The following CAMTA1 variants were observed in gnomAD, a reference collection of about 807,000 sequenced individuals.
CAMTA1 encodes the protein calmodulin binding transcription activator 1, also known as calmodulin-binding transcription activator 1.
A neutral mutation model predicts 170.9 loss-of-function variants in CAMTA1; 27 were observed. The ratio of observed to expected loss-of-function variants is 0.16; its 90% confidence interval spans 0.12 to 0.22. The LOEUF (loss-of-function observed/expected upper bound fraction) is 0.22. Among genes scored for constraint, CAMTA1 ranks in the 10% least tolerant of loss-of-function variants. The pLI, the probability that CAMTA1 is intolerant of heterozygous loss-of-function variation, is 1.00. For synonymous variants in CAMTA1, 833 were observed against 891.5 expected, an observed-to-expected ratio of 0.93 and a Z score of 1.17; for missense variants, 1,619 against 2,217.2, an observed-to-expected ratio of 0.73 and a Z score of 5.42.
chr1:7,459,391 C>G (rs1312901214), intron 5 of CAMTA1, among the ~76,000 whole-genome samples: 1 of 152,158 alleles, frequency 6.6e-6, no homozygotes, highest in African/African-American at 2.4e-5. Context: ...GTTCAGGGTA[C>G]CCTGGGGAGC....
At chr1:6,880,817 G>A (rs1671349011) in intron 3 of CAMTA1, among the ~76,000 whole-genome samples, 1 of 152,092 alleles carries the variant, frequency 6.6e-6, no homozygotes, top group African/African-American at 2.4e-5. Flanking sequence ...AATACTTATT[G>A]AATACCGAGT....
At chr1:7,258,841 T>C (rs1386844586) in intron 5 of CAMTA1, among the ~76,000 whole-genome samples, 1 of 152,144 alleles carries the variant, frequency 6.6e-6, no homozygotes, top group Non-Finnish European at 1.5e-5. Context: ...TCCAGGCTTG[T>C]CCTCGGATAG....
chr1:7,385,933 T>A (rs2087913277), intron 5 of CAMTA1, among the ~76,000 whole-genome samples: 1 of 152,188 alleles, frequency 6.6e-6, no homozygotes, highest in African/African-American at 2.4e-5. Context: ...ACTCACTCGC[T>A]CCTTCTGGGC....
chr1:7,494,199 G>GA (rs371797496), intron 6 of CAMTA1, among the ~76,000 whole-genome samples: 1 of 151,140 alleles, frequency 6.6e-6, no homozygotes, highest in Admixed American at 6.6e-5. Flanking sequence ...TTCAGAGGGG[G>GA]AAAAATCTGC....
intron 3 of CAMTA1, among the ~76,000 whole-genome samples, chr1:6,978,318 A>G (rs1693811944): frequency 6.6e-6 from 1 of 152,338 alleles, no homozygotes; most frequent in Admixed American, 6.5e-5. Flanking sequence ...GGCTGTATCA[A>G]AACATCTTAT....
At chr1:7,629,664 C>T (rs761603099) in intron 6 of CAMTA1, among the ~76,000 whole-genome samples, 1 of 152,208 alleles carries the variant, frequency 6.6e-6, no homozygotes, top group Non-Finnish European at 1.5e-5. Context: ...CCCTTATCTT[C>T]ATTTTCCTGG....
chr1:7,640,218 C>CCCA (rs2095750089), intron 6 of CAMTA1, among the ~76,000 whole-genome samples, 182 bp from the exon 7 acceptor site: 4 of 152,156 alleles, frequency 2.6e-5, no homozygotes, highest in Non-Finnish European at 5.9e-5. Context: ...CTGCTAATAT[C>CCCA]CCACATGCGC....
At chr1:6,914,102 CTT>C (rs35814913) in intron 3 of CAMTA1, among the ~76,000 whole-genome samples, 15 of 121,996 alleles carry the variant, frequency 1.2e-4, no homozygotes, top group South Asian at 2.8e-4. Flanking sequence ...GGGCTCATCT[CTT>C]TTTTTTTTTT....
chr1:7,393,467 A>G (rs2149146903), intron 5 of CAMTA1, among the ~76,000 whole-genome samples: 1 of 152,162 alleles, frequency 6.6e-6, no homozygotes, highest in Non-Finnish European at 1.5e-5. Flanking sequence ...TTGTAGAGAT[A>G]GGGTCTCCCT....
chr1:7,304,074 TGAA>T (rs77434028), intron 5 of CAMTA1, among the ~76,000 whole-genome samples: 45,843 of 151,600 alleles, frequency 0.3, 8,458 homozygotes, highest in Non-Finnish European at 0.4. Context: ...GGGAGGGAGA[TGAA>T]GAGTTATTGC....
rs764541155 is a variant in CAMTA1 at position 7,748,604 on chromosome 1, G to A, written c.4689+823G>A. 2.0e-5 allele frequency among the ~76,000 whole-genome samples: 3 copies of A among 152,174 alleles called. No individual in the cohort carries two copies. The highest frequency in any genetic ancestry group is 6.5e-5 in the Admixed American group (1 of 15,280). ...TGTAGGGAATCCAGGGTGTGATACCGTGATTGGAGAAAGTAAATGCTGGCT... is the reference window on the plus strand; with the variant it reads ...TGTAGGGAATCCAGGGTGTGATACCATGATTGGAGAAAGTAAATGCTGGCT... On this transcript the variant is annotated intron_variant, in intron 19 of 22. Coordinates refer to ENST00000303635, the MANE Select transcript of CAMTA1 (RefSeq NM_015215.4). The surrounding 1 kb of genome is among the most constrained non-coding windows in gnomAD (Gnocchi z 4.7).
At chr1:7,104,239 TAC>T (rs1305570753) in intron 4 of CAMTA1, among the ~76,000 whole-genome samples, 4 of 135,050 alleles carry the variant, frequency 3.0e-5, no homozygotes, top group South Asian at 2.3e-4. Context: ...TACACACGTG[TAC>T]ACACAACACA....
intron 4 of CAMTA1, among the ~76,000 whole-genome samples, chr1:7,171,594 A>C (rs548951226): frequency 2.0e-5 from 3 of 152,326 alleles, no homozygotes; most frequent in South Asian, 4.1e-4. Flanking sequence ...CCATCCCTTA[A>C]ATTTTAAAAA....
chr1:7,452,965 C>T (rs6577445), intron 5 of CAMTA1, among the ~76,000 whole-genome samples: 110,991 of 152,112 alleles, frequency 0.73, 40,715 homozygotes, highest in East Asian at 0.79. Context: ...AAACGAGGTT[C>T]TTGAATCGGC....
chr1:7,659,723 G>T (rs1357819284), intron 7 of CAMTA1, among the ~76,000 whole-genome samples: 1 of 140,620 alleles, frequency 7.1e-6, no homozygotes, highest in African/African-American at 2.6e-5. Context: ...CATCGGCCAG[G>T]CCCCAGGCAG....
At chr1:7,276,297 A>ATTTTTTTTTTTTT (rs1431072819) in intron 5 of CAMTA1, among the ~76,000 whole-genome samples, 1 of 21,556 alleles carries the variant, frequency 4.6e-5, no homozygotes, top group African/African-American at 5.0e-4. Flanking sequence ...ATATATATAT[A>ATTTTTTTTTTTTT]TATATATTTT....
chr1:7,246,362 G>A (rs1052140372), intron 4 of CAMTA1, among the ~76,000 whole-genome samples: 4 of 152,144 alleles, frequency 2.6e-5, no homozygotes, highest in African/African-American at 4.8e-5. Context: ...ATACAGACAC[G>A]CAAGTGGCGT....
At chr1:7,476,409 T>A (rs1449766431) in intron 6 of CAMTA1, among the ~76,000 whole-genome samples, 3 of 152,150 alleles carry the variant, frequency 2.0e-5, no homozygotes, top group Non-Finnish European at 4.4e-5. Context: ...CAGGGGAGGC[T>A]TCCTGGAGGA....
At chr1:7,457,990 G>A (rs1298562027) in intron 5 of CAMTA1, among the ~76,000 whole-genome samples, 2 of 152,220 alleles carry the variant, frequency 1.3e-5, no homozygotes, top group Non-Finnish European at 2.9e-5. Flanking sequence ...ATGATGGGGT[G>A]GGGCGCCCAC....
Sources: gnomAD v4.1 joint callset for allele counts (sites outside exome capture counted in the v4.1 genomes callset) on GRCh38, gnomAD v4.1.1 for gene constraint, Gnocchi (gnomAD v3.1) non-coding constraint, MANE v1.5 for transcripts, NCBI Gene and HGNC (gene_info 2026-07-23, HGNC 2026-07-21) for gene names.